PATJ: variants seen among roughly 807,000 people sequenced by gnomAD.
The protein encoded by PATJ is PATJ crumbs cell polarity complex component, also known as inaD-like protein.
Under a neutral mutation model 224.9 loss-of-function variants are expected in PATJ, and 190 were observed. That is an observed-to-expected ratio of 0.84 (90% CI 0.75 to 0.95). The LOEUF (loss-of-function observed/expected upper bound fraction) is 0.95. Ranked by LOEUF, PATJ falls within the 40% of genes least tolerant of loss-of-function variation. The pLI is 0.00. For synonymous variants in PATJ, 769 were observed against 820.3 expected (o/e 0.94, Z 1.07); for missense variants, 2,121 against 2,270.3 (o/e 0.93, Z 1.34).
chr1:61,956,629 TG>T (rs1368954464), intron 27 of PATJ, among the ~76,000 whole-genome samples: 1 of 152,226 alleles, frequency 6.6e-6, no homozygotes, highest in Non-Finnish European at 1.5e-5. Context: ...GGAAATGTTT[TG>T]ATTATACCTG....
intron 41 of PATJ, among the ~76,000 whole-genome samples, chr1:62,132,583 A>G (rs1309201234): frequency 1.3e-5 from 2 of 152,122 alleles, no homozygotes; most frequent in African/African-American, 2.4e-5. Context: ...TTCATTAAAT[A>G]CTATAGAATC....
At position 61,856,020 on chromosome 1, in the gene PATJ, C is replaced by T. The variant is rs183421703; in HGVS notation, c.2113-10C>T. 1,457 of 1,608,326 alleles carry T rather than the reference C, an allele frequency of 9.1e-4. 12 individuals are homozygous for T. Among genetic ancestry groups the T allele is most frequent in the Non-Finnish European group, 2.9e-4 (336 of 1,174,886 alleles). ...CATGGACTCATCCTTCTTCTTTGCTCGATTCACAGGACCCTTTAGATCCTA... is the reference window on the plus strand; with the variant it reads ...CATGGACTCATCCTTCTTCTTTGCTTGATTCACAGGACCCTTTAGATCCTA... On this transcript the variant is annotated splice_polypyrimidine_tract_variant and intron_variant, in intron 17 of 43. Coordinates refer to ENST00000642238, the MANE Select transcript of PATJ (RefSeq NM_001350145.3).
intron 1 of PATJ, among the ~76,000 whole-genome samples, chr1:61,743,764 A>G (rs1644881533): frequency 6.6e-6 from 1 of 152,202 alleles, no homozygotes; most frequent in African/African-American, 2.4e-5. Context: ...AATGGCCTTT[A>G]AGATGTTAAC....
intron 29 of PATJ, among the ~76,000 whole-genome samples, chr1:62,022,450 C>T (rs140664457): frequency 8.3e-4 from 126 of 152,302 alleles, no homozygotes; most frequent in African/African-American, 3.0e-3. Flanking sequence ...GTATTACAAT[C>T]TGGGTGCTTG....
At chr1:61,941,043 A>G (rs2149343974) in intron 27 of PATJ, among the ~76,000 whole-genome samples, 1 of 152,294 alleles carries the variant, frequency 6.6e-6, no homozygotes, top group East Asian at 1.9e-4. Context: ...TGGATATGCC[A>G]TAGAAGCAAT....
At chr1:62,153,742 A>G (rs1668862495) in intron 43 of PATJ, among the ~76,000 whole-genome samples, 1 of 152,150 alleles carries the variant, frequency 6.6e-6, no homozygotes, top group African/African-American at 2.4e-5. Flanking sequence ...GTCTTCTTTC[A>G]GCAACACAGC....
Position 62,026,913 on chromosome 1 carries a change from C to T in PATJ, c.3959+8966C>T, listed in dbSNP as rs190129728. Among the ~76,000 whole-genome samples the T allele has an allele frequency of 1.1e-4, 16 of 152,200 alleles. No homozygotes were observed. In the East Asian group the frequency reaches 2.9e-3, roughly 28 times the overall value. On this transcript the variant is annotated intron_variant, in intron 29 of 43. Transcript: ENST00000642238. The stretch of plus-strand genomic sequence containing the variant: ...GGTCTGGAAGAGATATTTCTATTTC[C>T]GTGTTCATAGCAACATTATTTGCTG...
intron 20 of PATJ, among the ~76,000 whole-genome samples, chr1:61,872,016 G>T (rs1004523360): frequency 6.6e-6 from 1 of 152,006 alleles, no homozygotes; most frequent in South Asian, 2.1e-4. Context: ...AGAAATTCCT[G>T]TTTATAAATA....
At chr1:62,074,825 G>A (rs1658028615) in intron 31 of PATJ, among the ~76,000 whole-genome samples, 1 of 152,056 alleles carries the variant, frequency 6.6e-6, no homozygotes, top group Non-Finnish European at 1.5e-5. Context: ...TTAGCCAGGC[G>A]TGGTGGCAGC....
intron 27 of PATJ, among the ~76,000 whole-genome samples, chr1:61,955,352 G>T (rs145600340): frequency 6.6e-6 from 1 of 152,202 alleles, no homozygotes; most frequent in African/African-American, 2.4e-5. Flanking sequence ...AAAGAAAAAA[G>T]ATATATAGGT....
chr1:62,106,123 C>CACAA (rs1662954507), intron 33 of PATJ, among the ~76,000 whole-genome samples: 1 of 71,652 alleles, frequency 1.4e-5, no homozygotes, highest in South Asian at 6.1e-4. Context: ...CACACACAAA[C>CACAA]ACACATATAT....
At chr1:62,068,054 C>A (rs1398345321) in intron 31 of PATJ, among the ~76,000 whole-genome samples, 1 of 152,210 alleles carries the variant, frequency 6.6e-6, no homozygotes, top group Non-Finnish European at 1.5e-5. Flanking sequence ...CTCGGCCTTA[C>A]ACAGTGCTGG....
At chr1:62,065,646 T>C (rs1362807765) in intron 31 of PATJ, among the ~76,000 whole-genome samples, 2 of 152,170 alleles carry the variant, frequency 1.3e-5, no homozygotes, top group African/African-American at 4.8e-5. Context: ...ATCTACTAGC[T>C]TACATTCATT....
intron 14 of PATJ, among the ~76,000 whole-genome samples, chr1:61,822,648 A>G (rs1013180568): frequency 6.6e-6 from 1 of 152,182 alleles, no homozygotes; most frequent in Non-Finnish European, 1.5e-5. Flanking sequence ...GAAACACAGC[A>G]TATATACTGG....
chr1:61,891,366 ATTAAAC>A (rs1669583781), intron 22 of PATJ, among the ~76,000 whole-genome samples: 1 of 152,218 alleles, frequency 6.6e-6, no homozygotes, highest in African/African-American at 2.4e-5. Context: ...TTACATTTGA[ATTAAAC>A]TGCCAAAACT....
chr1:62,157,144 T>G (rs1669309683), intron 43 of PATJ, among the ~76,000 whole-genome samples: 1 of 149,404 alleles, frequency 6.7e-6, no homozygotes. Context: ...GCCAACATGG[T>G]GAAACCCAGT....
rs572810704 is a variant in PATJ at position 62,125,455 on chromosome 1, G to A, written c.5043+2397G>A. Reference sequence around the variant, plus strand: ...GAATGCCCAGGAAGTGGCTTCTGTTGTTATTAGCTACAGCTTTGACTAAAT... The same window carrying A: ...GAATGCCCAGGAAGTGGCTTCTGTTATTATTAGCTACAGCTTTGACTAAAT... On this transcript the variant is annotated intron_variant, in intron 39 of 43. Transcript: ENST00000642238. Among the ~76,000 whole-genome samples, 61 of 152,058 alleles carry A rather than the reference G, an allele frequency of 4.0e-4. No individual in the cohort carries two copies. In the South Asian group the frequency reaches 0.012, roughly 31 times the overall value.
intron 30 of PATJ, chr1:62,038,747 G>T: frequency 4.7e-6 from 2 of 428,284 alleles, no homozygotes; most frequent in Non-Finnish European, 8.8e-6. Context: ...TATATATAGT[G>T]TCCCTTTTAA....
intron 5 of PATJ, among the ~76,000 whole-genome samples, chr1:61,770,853 T>G: frequency 6.9e-6 from 1 of 144,168 alleles, no homozygotes; most frequent in African/African-American, 2.6e-5. Flanking sequence ...GAGGCTGCAG[T>G]GAGGTGTGAT....
Sources: allele counts gnomAD v4.1 joint callset (sites outside exome capture counted in the v4.1 genomes callset), GRCh38; gene constraint gnomAD v4.1.1; transcripts MANE v1.5; gene names NCBI Gene and HGNC (gene_info 2026-07-23, HGNC 2026-07-21).